Variants in NIPBL observed in about 807,000 individuals in gnomAD.
NIPBL encodes nipped-B-like protein.
In NIPBL, 19 loss-of-function variants were observed where a neutral mutation model predicts 321.8. The observed-to-expected ratio is 0.06, with a 90% CI of 0.04 to 0.09. The LOEUF (loss-of-function observed/expected upper bound fraction) is 0.09, where lower values mean the gene tolerates loss of function less well. NIPBL is among the 10% of genes least tolerant of loss of function. The pLI, the probability that NIPBL is intolerant of heterozygous loss-of-function variation, is 1.00. For missense variants in NIPBL, 2,210 were observed against 3,327.0 expected (o/e 0.66, Z 8.26); for synonymous variants, 1,106 against 1,114.1 (o/e 0.99, Z 0.14).
intron 8 of NIPBL, among the ~76,000 whole-genome samples, chr5:36,972,921 C>T (rs1221918304): frequency 6.6e-6 from 1 of 152,164 alleles, no homozygotes; most frequent in Non-Finnish European, 1.5e-5. Context: ...CCCCTAATCT[C>T]CTCAAGCTAT....
intron 1 of NIPBL, among the ~76,000 whole-genome samples, chr5:36,906,949 C>G (rs1182510123): frequency 6.6e-6 from 1 of 152,208 alleles, no homozygotes; most frequent in East Asian, 1.9e-4. Context: ...TTAGACTTGA[C>G]TGAATTTTTC....
intron 6 of NIPBL, among the ~76,000 whole-genome samples, chr5:36,965,865 C>T (rs943310613): frequency 1.3e-5 from 2 of 151,900 alleles, no homozygotes; most frequent in African/African-American, 4.8e-5. Flanking sequence ...GTGGATAGGT[C>T]AGTAGGACAG....
At chr5:36,986,411 TATAAC>T (rs1744810747) in intron 10 of NIPBL, 110 bp downstream of exon 10, 12 of 729,058 alleles carry the variant, frequency 1.6e-5, no homozygotes, top group Non-Finnish European at 2.4e-5. Flanking sequence ...TACATGAAAA[TATAAC>T]ATTTATGTCA....
At chr5:37,006,261 A>T (rs1747417122) in intron 16 of NIPBL, 96 bp from the exon 17 acceptor site, 2 of 751,508 alleles carry the variant, frequency 2.7e-6, no homozygotes. Context: ...ACATCATAAC[A>T]CTTTTCCACC....
chr5:36,904,735 G>T (rs546462893), intron 1 of NIPBL, among the ~76,000 whole-genome samples: 1 of 152,242 alleles, frequency 6.6e-6, no homozygotes, highest in Admixed American at 6.5e-5. Context: ...GCCATAGGTT[G>T]CCTATAGCTG....
intron 1 of NIPBL, among the ~76,000 whole-genome samples, chr5:36,942,197 C>T (rs1234012139): frequency 2.6e-5 from 4 of 151,760 alleles, no homozygotes; most frequent in African/African-American, 7.3e-5. Flanking sequence ...CTTTGGGAGG[C>T]GGAGTGGGGC....
At chr5:36,990,861 A>G (rs751405089) in intron 10 of NIPBL, among the ~76,000 whole-genome samples, 2 of 152,122 alleles carry the variant, frequency 1.3e-5, no homozygotes, top group African/African-American at 2.4e-5. Context: ...CATAGTTTCT[A>G]TAGGGTTCTT....
intron 1 of NIPBL, among the ~76,000 whole-genome samples, chr5:36,914,223 G>C (rs1748276022): frequency 6.6e-6 from 1 of 152,206 alleles, no homozygotes. Flanking sequence ...GTAAGTGTCT[G>C]GGACATGTGG....
At chr5:37,042,900 C>T (rs1408306151) in intron 34 of NIPBL, among the ~76,000 whole-genome samples, 1 of 124,040 alleles carries the variant, frequency 8.1e-6, no homozygotes, top group African/African-American at 4.1e-5. Context: ...CACACGCGCG[C>T]ACACACACAC....
Position 37,000,586 on chromosome 5 carries a change from C to A in NIPBL, c.3502+16C>A. 6.2e-7 allele frequency: 1 copy of A among 1,610,816 alleles called. No individual in the cohort carries two copies. Among genetic ancestry groups the A allele is most frequent in the Non-Finnish European group, 8.5e-7 (1 of 1,177,458 alleles). On this transcript the variant is annotated intron_variant, in intron 12 of 46. Transcript: ENST00000282516. ...CTTAGTGAGGGTAATTCATCAGTGT[C>A]AACGGATTTCTTACATAAACCAATT...
At chr5:37,022,980 T>C (rs1453051619) in intron 29 of NIPBL, among the ~76,000 whole-genome samples, 1 of 152,210 alleles carries the variant, frequency 6.6e-6, no homozygotes, top group Non-Finnish European at 1.5e-5. Flanking sequence ...ACATTGGCAT[T>C]AGGAAATATC....
intron 1 of NIPBL, among the ~76,000 whole-genome samples, chr5:36,931,947 A>G (rs996457169): frequency 2.6e-5 from 4 of 152,186 alleles, no homozygotes; most frequent in South Asian, 4.1e-4. Flanking sequence ...AAATATTCCT[A>G]TAAAACTGCT....
At chr5:36,986,765 A>T (rs931278682) in intron 10 of NIPBL, among the ~76,000 whole-genome samples, 8 of 152,034 alleles carry the variant, frequency 5.3e-5, no homozygotes, top group Non-Finnish European at 1.0e-4. Flanking sequence ...TTTGTTGGGG[A>T]GATGGTTAGT....
Position 37,012,613 on chromosome 5 carries a change from G to A in NIPBL, c.4561-2070G>A, listed in dbSNP as rs537823125. Reference sequence around the variant, plus strand: ...TAGGCAGAGGACCCTGCGGCCTTCCGGCCTTCCGCAGTGTTTGTGTCCCTG... The same window carrying A: ...TAGGCAGAGGACCCTGCGGCCTTCCAGCCTTCCGCAGTGTTTGTGTCCCTG... On this transcript the variant is annotated intron_variant, in intron 21 of 46. Coordinates refer to ENST00000282516, the MANE Select transcript of NIPBL (RefSeq NM_133433.4). Among the ~76,000 whole-genome samples the A allele has an allele frequency of 4.6e-5, 7 of 152,078 alleles. No individual in the cohort carries two copies. In the East Asian group the frequency reaches 1.2e-3, roughly 25 times the overall value.
At chr5:37,010,603 G>T (rs1328194325) in intron 21 of NIPBL, among the ~76,000 whole-genome samples, 6 of 152,156 alleles carry the variant, frequency 3.9e-5, no homozygotes, top group Admixed American at 3.9e-4. Context: ...ACTGCGCCTG[G>T]CCAAAGCTGA....
At chr5:36,945,521 G>A (rs779819347) in intron 1 of NIPBL, among the ~76,000 whole-genome samples, 16 of 152,012 alleles carry the variant, frequency 1.1e-4, no homozygotes, top group Non-Finnish European at 2.4e-4. Context: ...TCTAATACAC[G>A]TTATAAATAT....
intron 1 of NIPBL, among the ~76,000 whole-genome samples, chr5:36,900,597 A>G (rs1005425946): frequency 1.3e-5 from 2 of 152,204 alleles, no homozygotes; most frequent in African/African-American, 4.8e-5. Flanking sequence ...CCTTGAGGTC[A>G]GGGACTTAAT....
intron 10 of NIPBL, 75 bp from the exon 11 acceptor site, chr5:36,995,547 T>C (rs753198172): frequency 5.1e-5 from 48 of 933,310 alleles, no homozygotes; most frequent in Non-Finnish European, 7.5e-5. Context: ...ATATTTTTAT[T>C]ATGCTAACTT....
intron 1 of NIPBL, among the ~76,000 whole-genome samples, chr5:36,891,637 A>G (rs1315578875): frequency 6.6e-6 from 1 of 152,206 alleles, no homozygotes; most frequent in Non-Finnish European, 1.5e-5. Context: ...AGAGAGGGGC[A>G]GGCTACAGAT....
Sources: allele counts gnomAD v4.1 joint callset (sites outside exome capture counted in the v4.1 genomes callset), GRCh38; gene constraint gnomAD v4.1.1; transcripts MANE v1.5; gene names NCBI Gene and HGNC (gene_info 2026-07-23, HGNC 2026-07-21).